CSRNP3: variants seen among roughly 807,000 people sequenced by gnomAD.
CSRNP3 encodes the protein cysteine and serine rich nuclear protein 3.
In CSRNP3, 12 loss-of-function variants were observed where a neutral mutation model predicts 48.0. The ratio of observed to expected loss-of-function variants is 0.25; its 90% CI spans 0.16 to 0.41. The LOEUF (loss-of-function observed/expected upper bound fraction) is 0.41. Ranked by LOEUF, CSRNP3 falls within the 10% of genes least tolerant of loss-of-function variation. CSRNP3 has a pLI of 1.00. For missense variants in CSRNP3, 580 were observed against 724.4 expected, an observed-to-expected ratio of 0.80 and a Z score of 2.29; for synonymous variants, 263 against 269.7, an observed-to-expected ratio of 0.98 and a Z score of 0.24.
intron 3 of CSRNP3, among the ~76,000 whole-genome samples, chr2:165,540,594 G>A (rs553014676): frequency 5.3e-5 from 8 of 152,164 alleles, no homozygotes; most frequent in Admixed American, 1.3e-4. Context: ...AAGCCCTGGA[G>A]ACTCATGCAG....
At chr2:165,549,233 C>T (rs750278007) in intron 3 of CSRNP3, among the ~76,000 whole-genome samples, 5 of 151,912 alleles carry the variant, frequency 3.3e-5, no homozygotes, top group Non-Finnish European at 7.4e-5. Context: ...GGAATCTATA[C>T]CTCAGAACCC....
chr2:165,604,382 C>A (rs557447013), intron 4 of CSRNP3, among the ~76,000 whole-genome samples: 1 of 152,094 alleles, frequency 6.6e-6, no homozygotes, highest in South Asian at 2.1e-4. Flanking sequence ...TACAACTAAG[C>A]CTTATAAAGT....
intron 4 of CSRNP3, among the ~76,000 whole-genome samples, chr2:165,623,387 C>T (rs540351577): frequency 3.4e-4 from 52 of 152,248 alleles, no homozygotes; most frequent in African/African-American, 1.2e-3. Flanking sequence ...ATCTAGGTTG[C>T]GTGCTCCTTA....
At chr2:165,494,184 C>T (rs542933901) in intron 1 of CSRNP3, among the ~76,000 whole-genome samples, 2 of 152,154 alleles carry the variant, frequency 1.3e-5, no homozygotes, top group East Asian at 3.9e-4. Context: ...TCAAGTATTC[C>T]CTGTAGCTCT....
chr2:165,596,012 C>T (rs944636753), intron 4 of CSRNP3, among the ~76,000 whole-genome samples: 53 of 151,802 alleles, frequency 3.5e-4, no homozygotes, highest in African/African-American at 1.2e-3. Context: ...GTATAGATGG[C>T]GTTTCACCAT....
At chr2:165,666,001 G>GAAGT (rs1687183162) in intron 5 of CSRNP3, among the ~76,000 whole-genome samples, 2 of 134,832 alleles carry the variant, frequency 1.5e-5, no homozygotes, top group Admixed American at 7.7e-5. Context: ...AGGAAGGAAG[G>GAAGT]ATAGAGAGGA....
intron 3 of CSRNP3, among the ~76,000 whole-genome samples, chr2:165,541,426 T>C (rs1185771547): frequency 6.6e-6 from 1 of 152,098 alleles, no homozygotes; most frequent in South Asian, 2.1e-4. Flanking sequence ...CAGATTGTCC[T>C]AAGGCCTCTC....
At chr2:165,529,191 T>C (rs147284854) in intron 3 of CSRNP3, among the ~76,000 whole-genome samples, 25 of 152,278 alleles carry the variant, frequency 1.6e-4, no homozygotes, top group Admixed American at 3.3e-4. Context: ...GGGGGAACTG[T>C]TGGGAAGGCA....
chr2:165,502,603 T>G (rs1365540707), intron 2 of CSRNP3, among the ~76,000 whole-genome samples: 3 of 152,046 alleles, frequency 2.0e-5, no homozygotes, highest in African/African-American at 7.2e-5. Flanking sequence ...TACCAATGTA[T>G]ATGCCCACTT....
Position 165,580,774 on chromosome 2 carries a change from C to T in CSRNP3, c.-23-14269C>T, listed in dbSNP as rs144576008. Among the ~76,000 whole-genome samples, 30 of 151,880 alleles carry T rather than the reference C, an allele frequency of 2.0e-4. No homozygotes were observed. In the East Asian group the frequency reaches 3.9e-3, roughly 20 times the overall value. The stretch of plus-strand genomic sequence containing the variant: ...AAACTTTCTAAAGGACAAAGGGAAA[C>T]TTTTTAAGTGCTAAGAAGAAACAAA... On this transcript the variant is annotated intron_variant, in intron 3 of 6. Transcript: ENST00000651982.
chr2:165,522,277 G>A (rs1372172445), intron 3 of CSRNP3, among the ~76,000 whole-genome samples: 1 of 151,678 alleles, frequency 6.6e-6, no homozygotes, highest in Non-Finnish European at 1.5e-5. Flanking sequence ...TCCAGCCTGG[G>A]TGACAGAGTG....
intron 4 of CSRNP3, among the ~76,000 whole-genome samples, chr2:165,615,855 C>T (rs2105314093): frequency 6.7e-6 from 1 of 149,146 alleles, no homozygotes; most frequent in East Asian, 2.0e-4. Flanking sequence ...GCACTATAGG[C>T]ACATACCACC....
chr2:165,618,701 A>G (rs547624762), intron 4 of CSRNP3, among the ~76,000 whole-genome samples: 2 of 152,322 alleles, frequency 1.3e-5, no homozygotes, highest in Admixed American at 6.5e-5. Context: ...CAAATCATAT[A>G]TGTGGAAGGA....
chr2:165,495,065 A>G (rs953989577), intron 2 of CSRNP3, 137 bp downstream of exon 2: 2 of 152,468 alleles, frequency 1.3e-5, no homozygotes, highest in Non-Finnish European at 2.9e-5. Context: ...AAAACATGAC[A>G]TAATTTTGGT....
intron 5 of CSRNP3, among the ~76,000 whole-genome samples, chr2:165,665,321 TG>T (rs1351645537): frequency 6.6e-6 from 1 of 152,216 alleles, no homozygotes; most frequent in Non-Finnish European, 1.5e-5. Context: ...GCATTTTTAC[TG>T]CTCAGCTAAC....
chr2:165,489,951 A>G (rs979440240), intron 1 of CSRNP3, among the ~76,000 whole-genome samples: 13 of 151,828 alleles, frequency 8.6e-5, no homozygotes, highest in East Asian at 7.8e-4. Context: ...TGGCCAGGGC[A>G]ATCAGGCAGG....
At chr2:165,664,516 G>A (rs1229607197) in intron 5 of CSRNP3, among the ~76,000 whole-genome samples, 1 of 152,198 alleles carries the variant, frequency 6.6e-6, no homozygotes, top group East Asian at 1.9e-4. Flanking sequence ...TGAAAGCAAT[G>A]GTGATGGACA....
In CSRNP3 at chr2:165,479,168, T is replaced by C. The variant is rs541931110; in HGVS notation, c.-283+9428T>C. On this transcript the variant is annotated intron_variant, in intron 1 of 6. Transcript: ENST00000651982. Reference sequence around the variant, plus strand: ...AGCTATTATGAATGTTTATAAACAATATTTATGTATATTTTACCAGGAAAA... The same window carrying C: ...AGCTATTATGAATGTTTATAAACAACATTTATGTATATTTTACCAGGAAAA... 2.6e-5 allele frequency among the ~76,000 whole-genome samples: 4 copies of C among 152,258 alleles called. No homozygotes were observed. The South Asian group carries it at 6.2e-4, about 24-fold the overall frequency.
At chr2:165,603,574 A>G (rs757035680) in intron 4 of CSRNP3, among the ~76,000 whole-genome samples, 42 of 151,242 alleles carry the variant, frequency 2.8e-4, no homozygotes, top group Non-Finnish European at 3.7e-4. Context: ...CCAGTGTAGC[A>G]CTCACCGCTT....
Sources: gnomAD v4.1 joint callset for allele counts (sites outside exome capture counted in the v4.1 genomes callset) on GRCh38, gnomAD v4.1.1 for gene constraint, MANE v1.5 for transcripts, NCBI Gene and HGNC (gene_info 2026-07-23, HGNC 2026-07-21) for gene names.